The following DACH1 variants were observed in gnomAD, a reference collection of about 807,000 sequenced individuals.
DACH1 encodes the protein dachshund homolog 1.
In DACH1, 12 loss-of-function variants were observed where a neutral mutation model predicts 54.2. That is an observed-to-expected ratio of 0.22 (90% CI 0.14 to 0.36). DACH1 has a LOEUF of 0.36. Among genes scored for constraint, DACH1 ranks in the 10% least tolerant of loss-of-function variants. The pLI is 1.00. For synonymous variants in DACH1, 386 were observed against 366.2 expected (o/e 1.05, Z -0.62); for missense variants, 805 against 929.8 (o/e 0.87, Z 1.75).
rs1242177258 is a variant in DACH1, at chr13:71,678,952, C to A, written c.964+2843G>T. ...TGGGATTGTAGGCCTGAACCCCGGGCCCAGCCTAACATCCCCTTTCTAATC... is the reference window on the plus strand; with the variant it reads ...TGGGATTGTAGGCCTGAACCCCGGGACCAGCCTAACATCCCCTTTCTAATC... On this transcript the variant is annotated intron_variant, in intron 2 of 10. Transcript: ENST00000613252. Among the ~76,000 whole-genome samples, 3 of 152,156 alleles carry A rather than the reference C, an allele frequency of 2.0e-5. No homozygotes were observed. In the East Asian group the frequency reaches 5.8e-4, roughly 29 times the overall value.
At chr13:71,747,384 GC>G (rs1341335505) in intron 1 of DACH1, among the ~76,000 whole-genome samples, 4 of 152,262 alleles carry the variant, frequency 2.6e-5, no homozygotes, top group African/African-American at 9.6e-5. Flanking sequence ...TTCAAGACCA[GC>G]CTGGCCAACA....
At chr13:71,455,345 CAGAT>C (rs1566269400) in intron 10 of DACH1, among the ~76,000 whole-genome samples, 1 of 151,772 alleles carries the variant, frequency 6.6e-6, no homozygotes, top group African/African-American at 2.4e-5. Flanking sequence ...TCTATATAGA[CAGAT>C]AGATATAGAT....
intron 1 of DACH1, among the ~76,000 whole-genome samples, chr13:71,743,716 T>C (rs1365771983): frequency 6.6e-6 from 1 of 152,224 alleles, no homozygotes; most frequent in Non-Finnish European, 1.5e-5. Context: ...AATATTAGTG[T>C]TTCAGGAAGA....
chr13:71,552,832 TATATATATATAGAGAGAGAGAGAG>T (rs1384483871), intron 6 of DACH1, among the ~76,000 whole-genome samples: 1 of 38,822 alleles, frequency 2.6e-5, no homozygotes, highest in African/African-American at 1.1e-4. Context: ...TATATATATA[TATATATATATAGAGAGAGAGAGAG>T]AGAGAGAGAG....
At chr13:71,443,335 T>C (rs532307132) in intron 10 of DACH1, among the ~76,000 whole-genome samples, 1 of 152,004 alleles carries the variant, frequency 6.6e-6, no homozygotes, top group East Asian at 1.9e-4. Context: ...GGCTCACAAC[T>C]GTAATGCCAG....
chr13:71,559,419 G>T (rs1470311481), intron 5 of DACH1, among the ~76,000 whole-genome samples: 1 of 152,020 alleles, frequency 6.6e-6, no homozygotes, highest in Non-Finnish European at 1.5e-5. Context: ...TTAACACAAG[G>T]ATAAAATTTA....
At chr13:71,454,702 C>T (rs2138124701) in intron 10 of DACH1, among the ~76,000 whole-genome samples, 1 of 152,300 alleles carries the variant, frequency 6.6e-6, no homozygotes, top group East Asian at 1.9e-4. Flanking sequence ...GCAACAGCCA[C>T]ATTAGTCAGC....
intron 1 of DACH1, among the ~76,000 whole-genome samples, chr13:71,810,995 AT>A (rs1011432101): frequency 5.3e-5 from 8 of 151,858 alleles, no homozygotes; most frequent in African/African-American, 7.3e-5. Flanking sequence ...GAACCAGAAC[AT>A]TTTTTTTCAA....
chr13:71,525,439 T>A (rs1337857956), intron 6 of DACH1, among the ~76,000 whole-genome samples: 1 of 152,194 alleles, frequency 6.6e-6, no homozygotes, highest in African/African-American at 2.4e-5. Context: ...GTCCCGTTAT[T>A]GTCAAGAATT....
At chr13:71,860,718 C>A (rs76929030) in intron 1 of DACH1, among the ~76,000 whole-genome samples, 12,582 of 151,846 alleles carry the variant, frequency 0.083, 1,378 homozygotes, top group East Asian at 0.56. Context: ...CTATGTTGCT[C>A]ATACAATGCA....
intron 6 of DACH1, among the ~76,000 whole-genome samples, chr13:71,519,828 A>G (rs890667210): frequency 7.5e-6 from 1 of 132,534 alleles, no homozygotes; most frequent in Non-Finnish European, 1.6e-5. Context: ...ATAACACTTC[A>G]CCACAAATGT....
intron 2 of DACH1, among the ~76,000 whole-genome samples, chr13:71,641,794 C>T (rs1454581826): frequency 6.6e-6 from 1 of 152,092 alleles, no homozygotes; most frequent in East Asian, 1.9e-4. Flanking sequence ...AGACAAATTA[C>T]TTAGTCTGAT....
At chr13:71,697,394 A>G (rs1812090676) in intron 1 of DACH1, among the ~76,000 whole-genome samples, 3 of 152,186 alleles carry the variant, frequency 2.0e-5, no homozygotes, top group Non-Finnish European at 4.4e-5. Flanking sequence ...CGCCAACTTG[A>G]TAATGATGAT....
intron 1 of DACH1, among the ~76,000 whole-genome samples, chr13:71,861,053 G>T (rs1169727523): frequency 6.6e-6 from 1 of 151,826 alleles, no homozygotes; most frequent in East Asian, 1.9e-4. Context: ...GGGAGTTGGG[G>T]GATGCAGTGA....
chr13:71,674,943 C>T (rs1880458523), intron 2 of DACH1: 1 of 639,650 alleles, frequency 1.6e-6, no homozygotes, highest in South Asian at 1.9e-5. Context: ...TATATGAAAA[C>T]ACATACAAAC....
intron 2 of DACH1, among the ~76,000 whole-genome samples, chr13:71,671,730 A>C (rs925935331): frequency 1.3e-5 from 2 of 152,110 alleles, no homozygotes; most frequent in African/African-American, 4.8e-5. Flanking sequence ...CTATTAAATA[A>C]ATTGAATAGA....
intron 2 of DACH1, among the ~76,000 whole-genome samples, chr13:71,644,205 T>C (rs1878113939): frequency 6.6e-6 from 1 of 152,184 alleles, no homozygotes; most frequent in African/African-American, 2.4e-5. Flanking sequence ...ATCTATGTAT[T>C]ATCTGACCTG....
chr13:71,521,577 T>C (rs920249639), intron 6 of DACH1, among the ~76,000 whole-genome samples: 1 of 152,020 alleles, frequency 6.6e-6, no homozygotes, highest in Non-Finnish European at 1.5e-5. Context: ...GTAACTGTTA[T>C]TCCTATATGG....
chr13:71,509,123 A>C (rs1255467730), intron 6 of DACH1, among the ~76,000 whole-genome samples: 1 of 151,972 alleles, frequency 6.6e-6, no homozygotes, highest in African/African-American at 2.4e-5. Flanking sequence ...CTACTACCAC[A>C]CCTCACTCCA....
Sources: allele counts gnomAD v4.1 joint callset (sites outside exome capture counted in the v4.1 genomes callset), GRCh38; gene constraint gnomAD v4.1.1; transcripts MANE v1.5; gene names NCBI Gene and HGNC (gene_info 2026-07-23, HGNC 2026-07-21).